DMD: variants seen among roughly 807,000 people sequenced by gnomAD.
DMD encodes mutant dystrophin.
DMD carries 63 observed loss-of-function variants against 330.1 expected under a neutral mutation model. The observed-to-expected ratio is 0.19, with a 90% CI of 0.16 to 0.24. The LOEUF (loss-of-function observed/expected upper bound fraction) is 0.24, where lower values mean the gene tolerates loss of function less well. Among genes scored for constraint, DMD ranks in the 10% least tolerant of loss-of-function variants. DMD has a pLI of 1.00. For missense variants in DMD, 3,344 were observed against 2,684.1 expected (o/e 1.25, Z -5.43); for synonymous variants, 1,223 against 959.8 (o/e 1.27, Z -5.07).
chrX:32,935,273 C>G (rs995209699), intron 2 of DMD, among the ~76,000 whole-genome samples: 1 of 112,660 alleles, frequency 8.9e-6, no homozygotes, highest in African/African-American at 3.2e-5. Flanking sequence ...CCACCGCGCC[C>G]GGCCTCCCTG....
At chrX:31,854,332 T>C (rs1306255150) in intron 48 of DMD, among the ~76,000 whole-genome samples, 3 of 112,028 alleles carry the variant, frequency 2.7e-5, no homozygotes, top group South Asian at 3.7e-4. Context: ...CTCTAATCAA[T>C]GGTATCTTAA....
chrX:32,065,361 T>G (rs2096253139), intron 44 of DMD, among the ~76,000 whole-genome samples: 1 of 111,502 alleles, frequency 9.0e-6, no homozygotes, highest in African/African-American at 3.2e-5. Flanking sequence ...ACTCCGTATT[T>G]CTCTCTGTTT....
At chrX:31,249,592 T>C (rs773545455) in intron 63 of DMD, among the ~76,000 whole-genome samples, 1 of 111,387 alleles carries the variant, frequency 9.0e-6, no homozygotes, top group Non-Finnish European at 1.9e-5. Context: ...TTATTTTAAT[T>C]TGCATGTCAA....
intron 55 of DMD, 79 bp downstream of exon 55, chrX:31,627,593 GC>G: frequency 1.0e-5 from 11 of 1,065,173 alleles, no homozygotes; most frequent in Non-Finnish European, 1.3e-5. Flanking sequence ...TTTGTCCCTG[GC>G]TTGTCAGTTA....
At chrX:33,301,427 T>C (rs1286617884) in intron 1 of DMD, among the ~76,000 whole-genome samples, 2 of 111,987 alleles carry the variant, frequency 1.8e-5, no homozygotes, top group Non-Finnish European at 3.8e-5. Context: ...TCTTATGCCC[T>C]TGTGAAACTT....
chrX:32,593,485 G>A (rs1206270857), intron 13 of DMD, among the ~76,000 whole-genome samples: 1 of 111,813 alleles, frequency 8.9e-6, no homozygotes, highest in Admixed American at 9.5e-5. Context: ...CTATCATAGT[G>A]ACCATGGATG....
intron 62 of DMD, among the ~76,000 whole-genome samples, chrX:31,293,277 A>G (rs1475562855): frequency 2.1e-5 from 2 of 93,274 alleles, no homozygotes; most frequent in African/African-American, 9.1e-5. Context: ...ATAATGTTTT[A>G]TTTACTGTCC....
At chrX:32,043,818 T>G (rs780660338) in intron 44 of DMD, among the ~76,000 whole-genome samples, 119 of 112,294 alleles carry the variant, frequency 1.1e-3, no homozygotes, top group African/African-American at 3.6e-3. Flanking sequence ...GACTCCTACA[T>G]TACATACCAC....
chrX:31,252,922 T>A (rs1446553098), intron 63 of DMD, among the ~76,000 whole-genome samples: 1 of 110,580 alleles, frequency 9.0e-6, no homozygotes, highest in African/African-American at 3.3e-5. Flanking sequence ...ACGCGGGCGG[T>A]GGAGGTTGCA....
At chrX:33,174,656 T>C (rs779305618) in intron 1 of DMD, among the ~76,000 whole-genome samples, 5 of 111,104 alleles carry the variant, frequency 4.5e-5, no homozygotes, top group Non-Finnish European at 9.4e-5. Flanking sequence ...GTCATGAAAT[T>C]AGGGTAAACT....
intron 50 of DMD, among the ~76,000 whole-genome samples, chrX:31,784,368 G>A (rs1419914614): frequency 1.8e-5 from 2 of 112,013 alleles, no homozygotes; most frequent in Non-Finnish European, 3.8e-5. Context: ...AGGATGTGGA[G>A]AAACTGAAAC....
At chrX:31,773,040 G>A (rs894095257) in intron 51 of DMD, among the ~76,000 whole-genome samples, 2 of 111,359 alleles carry the variant, frequency 1.8e-5, no homozygotes, top group African/African-American at 3.3e-5. Context: ...TTATTCCTAT[G>A]GAATTGGTGA....
At chrX:31,231,414 G>T (rs7051587) in intron 63 of DMD, among the ~76,000 whole-genome samples, 10,242 of 111,117 alleles carry the variant, frequency 0.092, 832 homozygotes, top group African/African-American at 0.27. Context: ...TTTTATAACT[G>T]CTTAAAAGAC....
chrX:32,831,326 T>C (rs964347912), intron 4 of DMD, among the ~76,000 whole-genome samples: 1 of 111,130 alleles, frequency 9.0e-6, no homozygotes, highest in Non-Finnish European at 1.9e-5. Flanking sequence ...ATACTTATTA[T>C]ATTGATATAT....
chrX:32,563,342 CAAAAAAAA>C (rs745316161), intron 16 of DMD, among the ~76,000 whole-genome samples: 3 of 42,853 alleles, frequency 7.0e-5, no homozygotes, highest in African/African-American at 9.1e-5. Context: ...GACTCCATCT[CAAAAAAAA>C]AAAAAAAAAA....
At chrX:32,087,025 T>C (rs1161263037) in intron 44 of DMD, among the ~76,000 whole-genome samples, 1 of 111,804 alleles carries the variant, frequency 8.9e-6, no homozygotes, top group African/African-American at 3.2e-5. Flanking sequence ...ATGTTAAGAA[T>C]TGAAACGAGA....
At chrX:32,610,850 T>C (rs1355861726) in intron 12 of DMD, among the ~76,000 whole-genome samples, 1 of 110,729 alleles carries the variant, frequency 9.0e-6, no homozygotes, top group Non-Finnish European at 1.9e-5. Context: ...GAAGGAGAAA[T>C]TTCCTTACTT....
At chrX:31,324,997 A>C (rs1361201469) in intron 61 of DMD, among the ~76,000 whole-genome samples, 1 of 112,295 alleles carries the variant, frequency 8.9e-6, no homozygotes, top group Non-Finnish European at 1.9e-5. Context: ...GAGATATGTC[A>C]TTTAAACGAT....
intron 4 of DMD, among the ~76,000 whole-genome samples, chrX:32,844,147 G>A (rs746513270): frequency 1.8e-5 from 2 of 111,737 alleles, no homozygotes; most frequent in Non-Finnish European, 3.8e-5. Context: ...GCTCACGCCT[G>A]TAATCTCAGC....
Sources: gnomAD v4.1 joint callset for allele counts (sites outside exome capture counted in the v4.1 genomes callset) on GRCh38, gnomAD v4.1.1 for gene constraint, MANE v1.5 for transcripts, NCBI Gene and HGNC (gene_info 2026-07-23, HGNC 2026-07-21) for gene names.